Variants in LRMDA observed in about 807,000 individuals in gnomAD.
LRMDA encodes the protein leucine rich melanocyte differentiation associated.
A neutral mutation model predicts 29.8 loss-of-function variants in LRMDA; 18 were observed. The ratio of observed to expected loss-of-function variants is 0.60; its 90% CI spans 0.42 to 0.90. The LOEUF is 0.90. LRMDA is among the 40% of genes least tolerant of loss of function. The pLI is 0.00. For missense variants in LRMDA, 273 were observed against 273.9 expected (o/e 1.00, Z 0.02); for synonymous variants, 125 against 109.4 (o/e 1.14, Z -0.89).
At chr10:75,646,576 C>G (rs1280556266) in intron 2 of LRMDA, among the ~76,000 whole-genome samples, 1 of 152,210 alleles carries the variant, frequency 6.6e-6, no homozygotes, top group Admixed American at 6.5e-5. Context: ...AATCTGATAT[C>G]TTTAAATTTG....
intron 2 of LRMDA, among the ~76,000 whole-genome samples, chr10:75,684,330 CGTT>C (rs975455470): frequency 1.6e-4 from 24 of 152,176 alleles, no homozygotes; most frequent in African/African-American, 5.8e-4. Context: ...ACCTGCTGTG[CGTT>C]GTTGTTACAT....
At chr10:76,400,732 A>T (rs1841838921) in intron 6 of LRMDA, among the ~76,000 whole-genome samples, 1 of 58,976 alleles carries the variant, frequency 1.7e-5, no homozygotes, top group Admixed American at 1.5e-4. Flanking sequence ...CACCTCTTTC[A>T]TAAAAGCTTT....
intron 2 of LRMDA, among the ~76,000 whole-genome samples, chr10:75,945,211 G>C (rs1234284589): frequency 6.6e-6 from 1 of 152,162 alleles, no homozygotes; most frequent in Non-Finnish European, 1.5e-5. Flanking sequence ...ATTACTAATT[G>C]AGTCTCTCAT....
chr10:75,633,866 G>A (rs1841357979), intron 2 of LRMDA, among the ~76,000 whole-genome samples: 2 of 152,190 alleles, frequency 1.3e-5, no homozygotes, highest in African/African-American at 4.8e-5. Context: ...ATATGGGTGA[G>A]AAAGCAAGTC....
chr10:75,862,174 G>C (rs1000300881), intron 2 of LRMDA, among the ~76,000 whole-genome samples: 3 of 96,750 alleles, frequency 3.1e-5, no homozygotes, highest in African/African-American at 1.2e-4. Flanking sequence ...TCAAAACCTT[G>C]GGTTCACACA....
chr10:75,578,833 GAAAAA>G (rs138199632), intron 2 of LRMDA, among the ~76,000 whole-genome samples: 1 of 135,514 alleles, frequency 7.4e-6, no homozygotes. Flanking sequence ...GATGTTCTTT[GAAAAA>G]AAAAAAAAAA....
intron 2 of LRMDA, among the ~76,000 whole-genome samples, chr10:75,718,232 C>G (rs186889254): frequency 6.6e-6 from 1 of 152,158 alleles, no homozygotes; most frequent in Non-Finnish European, 1.5e-5. Context: ...GTGGATTGGC[C>G]GTGGAGACTC....
intron 6 of LRMDA, among the ~76,000 whole-genome samples, chr10:76,366,875 T>C (rs993680736): frequency 3.3e-5 from 5 of 152,224 alleles, no homozygotes; most frequent in Admixed American, 2.0e-4. Context: ...TTCAGTATTA[T>C]GTTGGCTGTC....
intron 2 of LRMDA, among the ~76,000 whole-genome samples, chr10:75,585,473 T>C (rs903075200): frequency 2.6e-5 from 4 of 152,228 alleles, no homozygotes; most frequent in African/African-American, 9.6e-5. Context: ...TTTTGGTGAA[T>C]GTACCCATGT....
intron 6 of LRMDA, among the ~76,000 whole-genome samples, chr10:76,412,819 T>G (rs2132510344): frequency 6.6e-6 from 1 of 152,300 alleles, no homozygotes; most frequent in Admixed American, 6.5e-5. Context: ...TCTCTTGCTC[T>G]CATGCCACCT....
At chr10:75,563,865 G>A (rs374834963) in intron 2 of LRMDA, among the ~76,000 whole-genome samples, 1 of 152,272 alleles carries the variant, frequency 6.6e-6, no homozygotes, top group East Asian at 1.9e-4. Context: ...AACTGCGAAT[G>A]CTGCTGTCTG....
chr10:75,609,843 A>T (rs997541020), intron 2 of LRMDA, among the ~76,000 whole-genome samples: 1 of 152,142 alleles, frequency 6.6e-6, no homozygotes, highest in Non-Finnish European at 1.5e-5. Context: ...GTAGGCAGGG[A>T]TGTAGTCTCC....
At chr10:76,508,341 G>A (rs879483523) in intron 6 of LRMDA, among the ~76,000 whole-genome samples, 13 of 152,158 alleles carry the variant, frequency 8.5e-5, no homozygotes, top group South Asian at 2.1e-4. Flanking sequence ...ACCTACAACA[G>A]TTATTACCGT....
In LRMDA at chr10:76,025,495, G is replaced by A. The variant is rs182857693; in HGVS notation, c.132-10513G>A. 2.0e-3 allele frequency among the ~76,000 whole-genome samples: 310 copies of A among 151,798 alleles called. 3 individuals are homozygous for A. The highest frequency in any genetic ancestry group is 7.1e-3 in the African/African-American group (293 of 41,328). On this transcript the variant is annotated intron_variant, in intron 2 of 6. Transcript: ENST00000611255. Reference sequence around the variant, plus strand: ...GGTGTCCCCTTATTCCAAGCCCAGCGTCTCTGTCTCCTTCATAGATGGTAA... The same window carrying A: ...GGTGTCCCCTTATTCCAAGCCCAGCATCTCTGTCTCCTTCATAGATGGTAA...
In LRMDA at chr10:75,960,521, T is replaced by A. The variant is rs117471057; in HGVS notation, c.132-75487T>A. Among the ~76,000 whole-genome samples, 1,094 of 152,356 alleles carry A rather than the reference T, an allele frequency of 7.2e-3. 26 individuals carry two copies. The highest frequency in any genetic ancestry group is 0.066 in the East Asian group (342 of 5,192). ...GACAGAAAAGGGAGAAAACTTTATA[T>A]GCAGAATTTCACCATCCTTCTAACT... On this transcript the variant is annotated intron_variant, in intron 2 of 6. Transcript: ENST00000611255.
chr10:76,408,618 GGAT>G (rs1841926966), intron 6 of LRMDA, among the ~76,000 whole-genome samples: 1 of 152,090 alleles, frequency 6.6e-6, no homozygotes, highest in Non-Finnish European at 1.5e-5. Context: ...TAATGTTTGA[GGAT>G]CAAACTGTCC....
chr10:76,409,048 G>A (rs1051534749), intron 6 of LRMDA, among the ~76,000 whole-genome samples: 3 of 152,158 alleles, frequency 2.0e-5, no homozygotes, highest in African/African-American at 7.2e-5. Context: ...GAGACTCCAA[G>A]GAGGCCCTAT....
At chr10:76,212,270 A>ACACACACAT (rs1564687628) in intron 5 of LRMDA, among the ~76,000 whole-genome samples, 60 of 123,272 alleles carry the variant, frequency 4.9e-4, no homozygotes, top group African/African-American at 1.7e-3. Flanking sequence ...CACACACATA[A>ACACACACAT]AAAAAAAAAA....
intron 2 of LRMDA, among the ~76,000 whole-genome samples, chr10:75,499,798 A>G (rs548168615): frequency 2.0e-5 from 3 of 152,194 alleles, no homozygotes; most frequent in Admixed American, 2.0e-4. Context: ...AGTGATGGGT[A>G]ACACTGCTTT....
Sources: gnomAD v4.1 joint callset for allele counts (sites outside exome capture counted in the v4.1 genomes callset) on GRCh38, gnomAD v4.1.1 for gene constraint, MANE v1.5 for transcripts, NCBI Gene and HGNC (gene_info 2026-07-23, HGNC 2026-07-21) for gene names.